Variants in TAP2 observed in about 807,000 individuals in gnomAD.
The protein encoded by TAP2 is transporter 2, ATP binding cassette subfamily B member.
In TAP2, 49 loss-of-function variants were observed where a neutral mutation model predicts 74.7. That is an observed-to-expected ratio of 0.66 (90% CI 0.52 to 0.83). The LOEUF (loss-of-function observed/expected upper bound fraction) is 0.83, where lower values mean the gene tolerates loss of function less well. Among genes scored for constraint, TAP2 ranks in the 40% least tolerant of loss-of-function variants. The pLI is 0.00. For synonymous variants in TAP2, 306 were observed against 368.4 expected (o/e 0.83, Z 1.94); for missense variants, 739 against 859.0 (o/e 0.86, Z 1.75).
At position 32,832,598 on chromosome 6, in the gene TAP2, C is replaced by G. The variant is rs763412594; in HGVS notation, c.1143+29G>C. ...TCCCTTGCCCTCCCCCTTTCCTGGGCTCCTTTCACAACCACTCTGGTATCT... is the reference window on the plus strand; with the variant it reads ...TCCCTTGCCCTCCCCCTTTCCTGGGGTCCTTTCACAACCACTCTGGTATCT... On this transcript the variant is annotated intron_variant, in intron 6 of 11. Transcript: ENST00000374897. This position sits in a 1 kb window ranked among gnomAD's most constrained non-coding sequence, Gnocchi z 5.9. The G allele has an allele frequency of 4.3e-6, 7 of 1,613,076 alleles. No homozygotes were observed. The South Asian group carries it at 7.7e-5, about 18-fold the overall frequency.
downstream of TAP2, among the ~76,000 whole-genome samples, chr6:32,823,429 A>ATTTTTTTT (rs9280195): frequency 1.9e-4 from 12 of 64,546 alleles, no homozygotes; most frequent in East Asian, 4.1e-4. Context: ...GTCACACTCA[A>ATTTTTTTT]TTTTTTTTTT....
At position 32,829,916 on chromosome 6, in the gene TAP2, T is replaced by C. The variant is rs1211740358; in HGVS notation, c.1795+14A>G. On this transcript the variant is annotated intron_variant, in intron 10 of 11. Transcript: ENST00000374897. ...TTTTACTGAAGGAGCAAGCTTACAA[T>C]TTGTAGAAGATACCTGTGTATATTC... 1 of 1,612,938 alleles carries C rather than the reference T, an allele frequency of 6.2e-7. No individual in the cohort carries two copies. Among genetic ancestry groups the C allele is most frequent in the East Asian group, 2.2e-5 (1 of 44,896 alleles).
At chr6:32,838,547 C>T (rs1194928012) in intron 1 of TAP2, 106 bp downstream of exon 1, 5 of 348,284 alleles carry the variant, frequency 1.4e-5, no homozygotes, top group Non-Finnish European at 2.6e-5. Flanking sequence ...GCTCCGCTCC[C>T]TCCTATCGCC....
At position 32,830,029 on chromosome 6, in the gene TAP2, A is replaced by G. The variant is rs772480533; in HGVS notation, c.1696T>C (p.Tyr566His). The G allele has an allele frequency of 1.2e-6, 2 of 1,613,106 alleles. No homozygotes were observed. The highest frequency in any genetic ancestry group is 2.2e-5 in the East Asian group (1 of 44,882). The change falls in exon 10 of 12, where the codon TAT becomes CAT. Residue 566 changes from tyrosine to histidine, a missense_variant. Transcript: ENST00000374897. The part of the protein sequence containing the change: ...FSGSVRNNIA[Y>H]GLQSCEDDKV... ...TCATCTTCGCAGCTCTGCAGCCCAT[A>G]AGCAATGTTGTTCCTCACAGAACCG...
At chr6:32,829,842 G>A (rs1768928259) in intron 10 of TAP2, 88 bp downstream of exon 10, 14 of 1,554,538 alleles carry the variant, frequency 9.0e-6, no homozygotes, top group Non-Finnish European at 1.2e-5. Context: ...CAAACATCAA[G>A]CTACAGGGAC....
chr6:32,835,829 G>C lies in TAP2; in HGVS notation c.609-56C>G. On this transcript the variant is annotated intron_variant, in intron 3 of 11. Transcript: ENST00000374897. This position sits in a 1 kb window ranked among gnomAD's most constrained non-coding sequence, Gnocchi z 4.0. Reference sequence around the variant, plus strand: ...GATGCAGAGAAGGAGCAAGCCAGCGGGTGAAACAGAGGAGCAAGCCAGGAG... The same window carrying C: ...GATGCAGAGAAGGAGCAAGCCAGCGCGTGAAACAGAGGAGCAAGCCAGGAG... The C allele has an allele frequency of 2.2e-5, 35 of 1,611,984 alleles. No homozygotes were observed. Among genetic ancestry groups the C allele is most frequent in the Non-Finnish European group, 3.0e-5 (35 of 1,179,150 alleles).
Position 32,830,265 on chromosome 6 carries a change from AC to A in TAP2, c.1635+1del. On this transcript the variant is annotated splice_donor_variant, in intron 9 of 11. Coordinates refer to ENST00000374897, the MANE Select transcript of TAP2 (RefSeq NM_001290043.2). LOFTEE classifies it high-confidence loss of function. ...TCCCCTGTCTTCTCCCTCCTCACCC[AC>A]CTGGCTGTGCAGGTAGCAGTGTTCA... 6.2e-7 allele frequency: 1 copy of A among 1,612,602 alleles called. No homozygotes were observed. Among genetic ancestry groups the A allele is most frequent in the Non-Finnish European group, 8.5e-7 (1 of 1,179,926 alleles).
Position 32,829,022 on chromosome 6 carries a change from T to C in TAP2, c.1945A>G (p.Asn649Asp). The C allele has an allele frequency of 6.5e-7, 1 of 1,548,962 alleles. No homozygotes were observed. Residue 649 changes from asparagine to aspartate, a missense_variant, in exon 12 of 12, where the codon AAT becomes GAT. Physicochemically the swap from Asn to Asp is conservative, Grantham distance 23. Transcript: ENST00000374897. The part of the protein sequence containing the change: ...VQCEQALQDW[N>D]SRGDRTVLVI... ...AGCACTGTGCGATCCCCACGGGAAT[T>C]CCAGTCCTGCAGCTGAAGGGGTGAT...
rs1768653897 is a variant in TAP2, at chr6:32,826,433, T to A, written c.*2473A>T. ...AAGGGGAAATTACAGGGTAAGGAGA[T>A]CAATCAAATGGTGATGGGGGGTAGG... On this transcript the variant is annotated 3_prime_UTR_variant, in exon 12 of 12. Transcript: ENST00000374897. 2.0e-6 allele frequency: 2 copies of A among 984,456 alleles called. No homozygotes were observed. Among genetic ancestry groups the A allele is most frequent in the Non-Finnish European group, 2.4e-6 (2 of 829,916 alleles). 61.0% of individuals were successfully genotyped at this position (984,456 alleles called of 1,614,324 possible).
chr6:32,826,350 T>A lies in TAP2; in HGVS notation c.*2556A>T. ...AGCTTTCCCCTCTCCATTCATACTT[T>A]CCTTTAGAAAGAATAAGGCATGCCT... On this transcript the variant is annotated 3_prime_UTR_variant, in exon 12 of 12. Coordinates refer to ENST00000374897, the MANE Select transcript of TAP2 (RefSeq NM_001290043.2). The A allele has an allele frequency of 1.0e-6, 1 of 985,352 alleles. No individual in the cohort carries two copies. Among genetic ancestry groups the A allele is most frequent in the Non-Finnish European group, 1.2e-6 (1 of 829,936 alleles). 61.0% of individuals were successfully genotyped at this position (985,352 alleles called of 1,614,324 possible).
In TAP2 at chr6:32,828,342, T is replaced by C. The variant is rs1768791024; in HGVS notation, c.*564A>G. ...CCTCCAGACCCTAGCTTCTTCAAAATAGCAGACACTGGTAGGAACAAGGAA... is the reference window on the plus strand; with the variant it reads ...CCTCCAGACCCTAGCTTCTTCAAAACAGCAGACACTGGTAGGAACAAGGAA... On this transcript the variant is annotated 3_prime_UTR_variant, in exon 12 of 12. Coordinates refer to ENST00000374897, the MANE Select transcript of TAP2 (RefSeq NM_001290043.2). 6 of 985,602 alleles carry C rather than the reference T, an allele frequency of 6.1e-6. 1 individual carries two copies. The highest frequency in any genetic ancestry group is 7.2e-6 in the Non-Finnish European group (6 of 830,084). The allele number at this position is 985,602 out of a possible 1,614,324, so 61.1% of individuals were successfully genotyped here.
At position 32,838,144 on chromosome 6, in the gene TAP2, C is replaced by G. The variant is rs1582593870; in HGVS notation, c.90G>C (p.Leu30Phe). The change falls in exon 2 of 12, where the codon TTG (leucine) becomes TTC (phenylalanine). Residue 30 changes from leucine (L) to phenylalanine (F), a missense_variant. Leu to Phe is a conservative substitution (Grantham distance 22, BLOSUM62 0). Coordinates refer to ENST00000374897, the MANE Select transcript of TAP2 (RefSeq NM_001290043.2). ...ATAGTCCTGGCAGCCCTTGAGGAAG[C>G]AAAGTCCCCAGAGGGCCCTGAAGCA... ...LWLLQGPLGT[L>F]LPQGLPGLWL... 1 of 1,606,768 alleles carries G rather than the reference C, an allele frequency of 6.2e-7. No homozygotes were observed. The highest frequency in any genetic ancestry group is 1.3e-5 in the African/African-American group (1 of 74,614).
At chr6:32,836,394 T>C (rs975531335) in intron 3 of TAP2, among the ~76,000 whole-genome samples, 1 of 152,252 alleles carries the variant, frequency 6.6e-6, no homozygotes, top group Non-Finnish European at 1.5e-5. Context: ...TTACAAAATA[T>C]ATGTTTCTAA....
intron 7 of TAP2, among the ~76,000 whole-genome samples, chr6:32,831,553 C>A (rs185942948): frequency 0.011 from 1,625 of 152,240 alleles, 28 homozygotes; most frequent in African/African-American, 0.03. Flanking sequence ...CCAAAAAAAA[C>A]CCCTCAATCT....
Position 32,829,378 on chromosome 6 carries a change from C to T in TAP2, c.1932+22G>A, listed in dbSNP as rs904299508. 4 of 1,579,388 alleles carry T rather than the reference C, an allele frequency of 2.5e-6. No individual in the cohort carries two copies. In the African/African-American group the frequency reaches 5.4e-5, roughly 21 times the overall value. Reference sequence around the variant, plus strand: ...ATGCCCCTCCCAGGCCCCACTGTCCCCTGCCCTCTCACGGTACTCACGGCC... The same window carrying T: ...ATGCCCCTCCCAGGCCCCACTGTCCTCTGCCCTCTCACGGTACTCACGGCC... On this transcript the variant is annotated intron_variant, in intron 11 of 11. Coordinates refer to ENST00000374897, the MANE Select transcript of TAP2 (RefSeq NM_001290043.2).
chr6:32,830,551 C>T, intron 8 of TAP2, 67 bp downstream of exon 8: 1 of 1,606,604 alleles, frequency 6.2e-7, no homozygotes, highest in African/African-American at 1.3e-5. Context: ...GAACTATAGG[C>T]TGTGATGTCC....
Position 32,828,675 on chromosome 6 carries a change from G to GCGCC in TAP2, c.*230_*231insGGCG. The GCGCC allele has an allele frequency of 1.1e-6, 1 of 884,282 alleles. No homozygotes were observed. The highest frequency in any genetic ancestry group is 1.4e-6 in the Non-Finnish European group (1 of 735,242). 54.8% of individuals were successfully genotyped at this position (884,282 alleles called of 1,614,324 possible). A position where few individuals can be genotyped will look rare whatever the true frequency, so the allele number is the denominator to read the frequency against. On this transcript the variant is annotated 3_prime_UTR_variant, in exon 12 of 12. Coordinates refer to ENST00000374897, the MANE Select transcript of TAP2 (RefSeq NM_001290043.2). ...GAATTAAGTTTCCTGGACACAGACA[G>GCGCC]CCCCCACCCCACCCCACCCCACCTC...
At chr6:32,837,195 GGGTAGGA>G (rs1769474654) in intron 3 of TAP2, among the ~76,000 whole-genome samples, 1 of 152,146 alleles carries the variant, frequency 6.6e-6, no homozygotes, top group African/African-American at 2.4e-5. Context: ...ACAGACTTAG[GGGTAGGA>G]GGTAGGAGGC....
intron 5 of TAP2, among the ~76,000 whole-genome samples, chr6:32,833,843 C>G (rs9501226): frequency 0.011 from 1,623 of 152,230 alleles, 27 homozygotes; most frequent in African/African-American, 0.03. Context: ...CTTTCCCATG[C>G]TGTTCTTGTG....
Sources: allele counts gnomAD v4.1 joint callset (sites outside exome capture counted in the v4.1 genomes callset), GRCh38; gene constraint gnomAD v4.1.1; non-coding constraint Gnocchi (gnomAD v3.1); transcripts MANE v1.5; gene names NCBI Gene and HGNC (gene_info 2026-07-23, HGNC 2026-07-21).